NUP214: variants seen among roughly 807,000 people sequenced by gnomAD.
NUP214 encodes nucleoporin 214, also known as nuclear pore complex protein Nup214.
A neutral mutation model predicts 196.2 loss-of-function variants in NUP214; 79 were observed. The observed-to-expected ratio is 0.40, with a 90% confidence interval of 0.34 to 0.49. NUP214 has a LOEUF of 0.49. NUP214 is among the 20% of genes least tolerant of loss of function. The probability of loss-of-function intolerance (pLI) is 0.58; values close to 1 mark genes in which losing one functional copy is unlikely to be tolerated. For synonymous variants in NUP214, 1,020 were observed against 990.5 expected, an observed-to-expected ratio of 1.03 and a Z score of -0.56; for missense variants, 2,468 against 2,539.0, an observed-to-expected ratio of 0.97 and a Z score of 0.60.
chr9:131,187,094 C>G, intron 24 of NUP214, 195 bp from the exon 25 acceptor site: 1 of 564,984 alleles, frequency 1.8e-6, no homozygotes, highest in South Asian at 2.2e-5. Context: ...CTTTGACTTT[C>G]ATGCTAAAAA....
chr9:131,187,655 G>A (rs1165212389), intron 25 of NUP214, among the ~76,000 whole-genome samples: 2 of 152,166 alleles, frequency 1.3e-5, no homozygotes, highest in African/African-American at 4.8e-5. Flanking sequence ...CCAAAGTGCT[G>A]GGATTACAGG....
At chr9:131,225,795 A>T (rs1471682253) in intron 32 of NUP214, among the ~76,000 whole-genome samples, 1 of 152,208 alleles carries the variant, frequency 6.6e-6, no homozygotes, top group Non-Finnish European at 1.5e-5. Flanking sequence ...TTTAAGAGAG[A>T]TTTTAAGTTG....
At position 131,168,547 on chromosome 9, in the gene NUP214, T is replaced by G. The variant is rs546795205; in HGVS notation, c.2893+4403T>G. Among the ~76,000 whole-genome samples, 6 of 152,344 alleles carry G rather than the reference T, an allele frequency of 3.9e-5. No homozygotes were observed. The East Asian group carries it at 9.6e-4, about 24-fold the overall frequency. Reference sequence around the variant, plus strand: ...TACCCAAGCAACCACTGATCTGCTTTCTTTCTTCTTGGATCTGCCTTTTTA... The same window carrying G: ...TACCCAAGCAACCACTGATCTGCTTGCTTTCTTCTTGGATCTGCCTTTTTA... On this transcript the variant is annotated intron_variant, in intron 21 of 35. Coordinates refer to ENST00000359428, the MANE Select transcript of NUP214 (RefSeq NM_005085.4).
intron 28 of NUP214, chr9:131,195,624 G>A: frequency 3.9e-6 from 1 of 258,888 alleles, no homozygotes; most frequent in Non-Finnish European, 7.4e-6. Flanking sequence ...TGATTCTGTA[G>A]GGCAAGATAG....
chr9:131,194,445 C>G (rs1480399539), intron 27 of NUP214, among the ~76,000 whole-genome samples: 1 of 152,004 alleles, frequency 6.6e-6, no homozygotes, highest in African/African-American at 2.4e-5. Flanking sequence ...ACCATGTTGC[C>G]TAGGCTGGTC....
chr9:131,192,423 G>A, intron 27 of NUP214, 131 bp downstream of exon 27: 1 of 518,728 alleles, frequency 1.9e-6, no homozygotes, highest in African/African-American at 2.0e-5. Context: ...AGTAATACAT[G>A]TGATGATAGT....
intron 30 of NUP214, among the ~76,000 whole-genome samples, chr9:131,214,982 A>T (rs1216936729): frequency 6.6e-6 from 1 of 152,140 alleles, no homozygotes. Flanking sequence ...ACCTACCATA[A>T]ATCATGTTTT....
At position 131,234,640 on chromosome 9, in the gene NUP214, A is replaced by G; in HGVS notation, c.*1153A>G. The G allele has an allele frequency of 4.5e-6, 1 of 222,186 alleles. No homozygotes were observed. The highest frequency in any genetic ancestry group is 9.0e-6 in the Non-Finnish European group (1 of 111,344). The allele number at this position is 222,186 out of a possible 1,614,324, so 13.8% of individuals were successfully genotyped here. A position where few individuals can be genotyped will look rare whatever the true frequency, so the allele number is the denominator to read the frequency against. ...GCAGGTTGTATTTTTTTAATGTTTT[A>G]ATAAAAGTTTGACATGACATTAATT... On this transcript the variant is annotated 3_prime_UTR_variant, in exon 36 of 36. Coordinates refer to ENST00000359428, the MANE Select transcript of NUP214 (RefSeq NM_005085.4).
intron 28 of NUP214, among the ~76,000 whole-genome samples, chr9:131,196,531 C>T (rs1048521290): frequency 6.6e-6 from 1 of 152,132 alleles, no homozygotes. Context: ...ATATTTCCTG[C>T]GATCTTTGTA....
At chr9:131,158,689 G>A (rs1449929303) in intron 17 of NUP214, among the ~76,000 whole-genome samples, 1 of 152,198 alleles carries the variant, frequency 6.6e-6, no homozygotes, top group Non-Finnish European at 1.5e-5. Flanking sequence ...TGGATGCACT[G>A]TCTGAGTACC....
At chr9:131,224,617 A>G (rs1308115350) in intron 32 of NUP214, among the ~76,000 whole-genome samples, 2 of 152,212 alleles carry the variant, frequency 1.3e-5, no homozygotes, top group South Asian at 2.1e-4. Context: ...TTTAGAGCCT[A>G]AAGTGCTGTG....
chr9:131,177,995 C>T (rs1211605226), intron 23 of NUP214, among the ~76,000 whole-genome samples: 4 of 152,184 alleles, frequency 2.6e-5, no homozygotes, highest in Non-Finnish European at 4.4e-5. Context: ...GCTCAAGCTG[C>T]CCTTTTCCAG....
chr9:131,211,821 G>T (rs141602172), intron 30 of NUP214, among the ~76,000 whole-genome samples: 1 of 152,124 alleles, frequency 6.6e-6, no homozygotes, highest in Non-Finnish European at 1.5e-5. Context: ...ACCCTGTGAT[G>T]ATTGCATTAT....
chr9:131,234,403 C>T lies in NUP214; in HGVS notation c.*916C>T, dbSNP rs1171058869. On this transcript the variant is annotated 3_prime_UTR_variant, in exon 36 of 36. Transcript: ENST00000359428. ...TGCTAGGACGGCCCAGAGCTCATCA[C>T]TGCAGTTTTATTAGAGTGCTTCTTT... 4.3e-6 allele frequency: 1 copy of T among 232,568 alleles called. No homozygotes were observed. Among genetic ancestry groups the T allele is most frequent in the Non-Finnish European group, 8.5e-6 (1 of 117,706 alleles). The allele number at this position is 232,568 out of a possible 1,614,324, so 14.4% of individuals were successfully genotyped here.
At chr9:131,142,812 T>C (rs1160531105) in intron 11 of NUP214, among the ~76,000 whole-genome samples, 1 of 152,222 alleles carries the variant, frequency 6.6e-6, no homozygotes, top group African/African-American at 2.4e-5. Context: ...TTTTCATACT[T>C]GTATCTAAGT....
In NUP214 at chr9:131,197,863, C is replaced by T. The variant is rs1391527986; in HGVS notation, c.4369C>T (p.Pro1457Ser). The change falls in exon 29 of 36, where the codon CCA becomes TCA. Residue 1457 changes from proline to serine, a missense_variant. Around this residue, in one of 5 missense-constraint regions of NUP214, gnomAD observed 1,801 missense variants for 1,779.4 expected, o/e 1.01. Transcript: ENST00000359428. Reference protein sequence around the residue: ...NSTVPPSAPPPTTAATPLPTS... With the variant: ...NSTVPPSAPPSTTAATPLPTS... ...CACAGTGCCCCCATCTGCCCCACCA[C>T]CAACTACAGCTGCCACTCCCCTTCC... 1.2e-6 allele frequency: 2 copies of T among 1,613,578 alleles called. No homozygotes were observed. Among genetic ancestry groups the T allele is most frequent in the South Asian group, 2.2e-5 (2 of 91,084 alleles).
chr9:131,159,748 T>C (rs1400780585), intron 18 of NUP214, among the ~76,000 whole-genome samples: 1 of 151,786 alleles, frequency 6.6e-6, no homozygotes, highest in Non-Finnish European at 1.5e-5. Flanking sequence ...TCCCAGCTAC[T>C]ATGGAGGCTG....
intron 30 of NUP214, among the ~76,000 whole-genome samples, chr9:131,213,800 AGG>A (rs1318641918): frequency 2.3e-4 from 2 of 8,558 alleles, no homozygotes; most frequent in Non-Finnish European, 6.1e-3. Flanking sequence ...AGAAATTTAA[AGG>A]GGGAAAAAAA....
chr9:131,125,906 T>A lies in NUP214; in HGVS notation c.45+157T>A. 1 of 866,338 alleles carries A rather than the reference T, an allele frequency of 1.2e-6. No homozygotes were observed. The highest frequency in any genetic ancestry group is 1.8e-6 in the Non-Finnish European group (1 of 552,888). The allele number at this position is 866,338 out of a possible 1,614,324, so 53.7% of individuals were successfully genotyped here. On this transcript the variant is annotated intron_variant, in intron 1 of 35. Coordinates refer to ENST00000359428, the MANE Select transcript of NUP214 (RefSeq NM_005085.4). This position sits in a 1 kb window ranked among gnomAD's most constrained non-coding sequence, Gnocchi z 4.1. ...CAGCGCGTCTGCCGCGCCGCTGGCG[T>A]GATAGCCCCACCGAATGCAGTTTCC...
Sources: allele counts gnomAD v4.1 joint callset (sites outside exome capture counted in the v4.1 genomes callset), GRCh38; gene constraint gnomAD v4.1.1; regional missense constraint gnomAD v4.1.1; non-coding constraint Gnocchi (gnomAD v3.1); transcripts MANE v1.5; gene names NCBI Gene and HGNC (gene_info 2026-07-23, HGNC 2026-07-21).